The following NEMP2 variants were observed in gnomAD, a reference collection of about 807,000 sequenced individuals.
The protein encoded by NEMP2 is UPF0571 transmembrane protein.
NEMP2 carries 53 observed loss-of-function variants against 54.2 expected under a neutral mutation model. The ratio of observed to expected loss-of-function variants is 0.98; its 90% CI spans 0.78 to 1.23. The LOEUF is 1.23. Ranked by LOEUF, NEMP2 falls within the 50% of genes most tolerant of loss-of-function variation. The pLI is 0.00. For missense variants in NEMP2, 455 were observed against 511.3 expected (o/e 0.89, Z 1.06); for synonymous variants, 197 against 190.3 (o/e 1.04, Z -0.29).
chr2:190,516,772 C>T lies in NEMP2; in HGVS notation c.613-388G>A, dbSNP rs1559159345. ...ACACTACCAACATGAATTATTTATC[C>T]TCAACTAAGTTCAGTGTGTTATTTT... is the stretch of plus-strand genomic sequence containing the variant. On this transcript the variant is annotated intron_variant, in intron 5 of 8. Transcript: ENST00000409150. Among the ~76,000 whole-genome samples the T allele has an allele frequency of 2.6e-5, 4 of 152,242 alleles. No homozygotes were observed. In the South Asian group the frequency reaches 8.3e-4, roughly 32 times the overall value.
At chr2:190,556,229 A>G in the NEMP2 span, among the ~76,000 whole-genome samples, 1 of 152,220 alleles carries the variant, frequency 6.6e-6, no homozygotes, top group Non-Finnish European at 1.5e-5. Flanking sequence ...GCCAAAAACC[A>G]CATGATTATC....
the NEMP2 span, chr2:190,611,045 C>T: frequency 3.9e-5 from 6 of 152,134 alleles, no homozygotes; most frequent in African/African-American, 9.7e-5. This position sits in a 1 kb window ranked among gnomAD's most constrained non-coding sequence, Gnocchi z 5.4. Flanking sequence ...TATAAAATCA[C>T]CTTCTACAGA....
the NEMP2 span, among the ~76,000 whole-genome samples, chr2:190,550,405 C>T: frequency 6.6e-6 from 1 of 152,094 alleles, no homozygotes; most frequent in Non-Finnish European, 1.5e-5. This position sits in a 1 kb window ranked among gnomAD's most constrained non-coding sequence, Gnocchi z 4.7. Context: ...CAACCTAATC[C>T]CCCGACAAGG....
Position 190,510,319 on chromosome 2 carries a change from T to C in NEMP2, c.1130+42A>G. On this transcript the variant is annotated intron_variant, in intron 8 of 8. Transcript: ENST00000409150. The surrounding 1 kb of genome is among the most constrained non-coding windows in gnomAD (Gnocchi z 5.7). Reference sequence around the variant, plus strand: ...AACCATCATATTATTTTTTAAATCATTCTGAACTAAACTATGGTCCGAGCA... The same window carrying C: ...AACCATCATATTATTTTTTAAATCACTCTGAACTAAACTATGGTCCGAGCA... The C allele has an allele frequency of 6.5e-7, 1 of 1,546,152 alleles. No homozygotes were observed. Among genetic ancestry groups the C allele is most frequent in the Non-Finnish European group, 8.8e-7 (1 of 1,142,686 alleles).
At chr2:190,429,218 C>A in the NEMP2 span, among the ~76,000 whole-genome samples, 2 of 132,778 alleles carry the variant, frequency 1.5e-5, no homozygotes, top group African/African-American at 3.0e-5. Context: ...CTGTATAATT[C>A]TTTTGTTACG....
Position 190,509,158 on chromosome 2 carries a change from T to G in NEMP2, c.*31A>C, listed in dbSNP as rs1208226841. 6.4e-7 allele frequency: 1 copy of G among 1,551,126 alleles called. No individual in the cohort carries two copies. Among genetic ancestry groups the G allele is most frequent in the South Asian group, 1.2e-5 (1 of 83,990 alleles). ...TCCCTGCCCTTTGCCCACTTCCTTG[T>G]CCAGAATGAAGTCAACTTGAAGGTC... On this transcript the variant is annotated 3_prime_UTR_variant, in exon 9 of 9. Transcript: ENST00000409150. This position sits in a 1 kb window ranked among gnomAD's most constrained non-coding sequence, Gnocchi z 6.1.
the NEMP2 span, among the ~76,000 whole-genome samples, chr2:190,595,744 AAAC>A: frequency 6.6e-6 from 1 of 152,192 alleles, no homozygotes; most frequent in African/African-American, 2.4e-5. This position sits in a 1 kb window ranked among gnomAD's most constrained non-coding sequence, Gnocchi z 4.0. Flanking sequence ...AAAAGTCAGG[AAAC>A]AACAGATGCT....
chr2:190,559,019 A>G, the NEMP2 span, among the ~76,000 whole-genome samples: 23 of 152,228 alleles, frequency 1.5e-4, 1 homozygote, highest in Admixed American at 1.4e-3. The surrounding 1 kb of genome is among the most constrained non-coding windows in gnomAD (Gnocchi z 4.0). Context: ...GTTGCACTTC[A>G]CAATGTTTTC....
chr2:190,540,238 G>A, the NEMP2 span, among the ~76,000 whole-genome samples: 42,474 of 151,524 alleles, frequency 0.28, 6,709 homozygotes, highest in East Asian at 0.46. Context: ...TGCATATGTC[G>A]AACCATCCTT....
the NEMP2 span, among the ~76,000 whole-genome samples, chr2:190,585,078 A>T: frequency 2.0e-5 from 3 of 152,220 alleles, no homozygotes; most frequent in Non-Finnish European, 4.4e-5. This position sits in a 1 kb window ranked among gnomAD's most constrained non-coding sequence, Gnocchi z 5.3. Flanking sequence ...TCCATGGCAC[A>T]GGCACTGCAG....
In NEMP2 at chr2:190,528,367, G is replaced by T. The variant is rs1487797396; in HGVS notation, c.98-2989C>A. ...CAGATCTCTGGATTCACCTTGTCAT[G>T]TTCTGCCTTTGCACAGCCTCCTCGG... On this transcript the variant is annotated intron_variant, in intron 1 of 8. Transcript: ENST00000409150. The surrounding 1 kb of genome is among the most constrained non-coding windows in gnomAD (Gnocchi z 4.3). Among the ~76,000 whole-genome samples, 5 of 152,176 alleles carry T rather than the reference G, an allele frequency of 3.3e-5. No homozygotes were observed. Among genetic ancestry groups the T allele is most frequent in the African/African-American group, 1.2e-4 (5 of 41,442 alleles).
the NEMP2 span, among the ~76,000 whole-genome samples, chr2:190,438,393 G>A: frequency 9.9e-5 from 15 of 152,186 alleles, no homozygotes; most frequent in East Asian, 7.7e-4. This position sits in a 1 kb window ranked among gnomAD's most constrained non-coding sequence, Gnocchi z 5.2. Flanking sequence ...GCACGCACCC[G>A]TAGTCCCAGC....
At chr2:190,577,002 A>G in the NEMP2 span, among the ~76,000 whole-genome samples, 3 of 152,214 alleles carry the variant, frequency 2.0e-5, no homozygotes, top group Admixed American at 1.3e-4. The surrounding 1 kb of genome is among the most constrained non-coding windows in gnomAD (Gnocchi z 4.8). Context: ...AATATTATGC[A>G]TAATACACTG....
upstream of NEMP2, among the ~76,000 whole-genome samples, chr2:190,535,399 C>A (rs544883453): frequency 4.6e-5 from 7 of 152,028 alleles, no homozygotes; most frequent in Non-Finnish European, 8.8e-5. Context: ...AAAAAAGTTT[C>A]TTAATGTAAT....
At chr2:190,481,559 C>T in the NEMP2 span, among the ~76,000 whole-genome samples, 2 of 152,214 alleles carry the variant, frequency 1.3e-5, no homozygotes, top group South Asian at 2.1e-4. Context: ...TCAAGGAGCT[C>T]AGTCTGCGTC....
At chr2:190,476,946 T>C in the NEMP2 span, among the ~76,000 whole-genome samples, 2 of 150,896 alleles carry the variant, frequency 1.3e-5, no homozygotes, top group African/African-American at 2.4e-5. Flanking sequence ...CAGCAAACTA[T>C]TGTAAGGACA....
the NEMP2 span, among the ~76,000 whole-genome samples, chr2:190,471,906 A>G: frequency 6.6e-6 from 1 of 152,216 alleles, no homozygotes. The surrounding 1 kb of genome is among the most constrained non-coding windows in gnomAD (Gnocchi z 4.7). Flanking sequence ...CAGAGGAACG[A>G]TCAGGCAGCA....
chr2:190,613,084 C>G, the NEMP2 span, among the ~76,000 whole-genome samples: 1 of 152,060 alleles, frequency 6.6e-6, no homozygotes, highest in Non-Finnish European at 1.5e-5. Context: ...TATGAAATCA[C>G]CAATGCAAAA....
the NEMP2 span, among the ~76,000 whole-genome samples, chr2:190,627,512 ATT>A: frequency 2.0e-3 from 302 of 151,920 alleles, 1 homozygote; most frequent in Middle Eastern, 3.4e-3. The surrounding 1 kb of genome is among the most constrained non-coding windows in gnomAD (Gnocchi z 4.4). Context: ...TATCTGCAGT[ATT>A]TTTGGCACTT....
Sources: gnomAD v4.1 joint callset for allele counts (sites outside exome capture counted in the v4.1 genomes callset) on GRCh38, gnomAD v4.1.1 for gene constraint, Gnocchi (gnomAD v3.1) non-coding constraint, MANE v1.5 for transcripts, NCBI Gene and HGNC (gene_info 2026-07-23, HGNC 2026-07-21) for gene names.